The following ESD variants were observed in gnomAD, a reference collection of about 807,000 sequenced individuals.
ESD encodes S-formylglutathione hydrolase.
A neutral mutation model predicts 38.1 loss-of-function variants in ESD; 34 were observed. The observed-to-expected ratio is 0.89, with a 90% CI of 0.68 to 1.19. ESD has a LOEUF of 1.19. Among genes scored for constraint, ESD ranks in the 50% most tolerant of loss-of-function variants. The pLI, the probability that ESD is intolerant of heterozygous loss-of-function variation, is 0.00. For missense variants in ESD, 334 were observed against 327.2 expected (o/e 1.02, Z -0.16); for synonymous variants, 97 against 107.0 (o/e 0.91, Z 0.58).
intron 5 of ESD, among the ~76,000 whole-genome samples, chr13:46,783,072 A>C (rs1566280455): frequency 6.6e-6 from 1 of 151,946 alleles, no homozygotes; most frequent in Non-Finnish European, 1.5e-5. Context: ...TTGTTGATGA[A>C]GTTTCTTATG....
At position 46,782,692 on chromosome 13, in the gene ESD, C is replaced by T. The variant is rs745601294; in HGVS notation, c.356G>A (p.Arg119Lys). The T allele has an allele frequency of 4.3e-6, 7 of 1,612,046 alleles. No individual in the cohort carries two copies. Among genetic ancestry groups the T allele is most frequent in the Non-Finnish European group, 5.1e-6 (6 of 1,178,752 alleles). The change falls in exon 6 of 10, where the codon AGA (arginine) becomes AAA (lysine). Residue 119 changes from arginine (R) to lysine (K), a missense_variant. Transcript: ENST00000378720. ...ATEDPWKTNY[R>K]MYSYVTEELP... ...CTCCTCTGTGACATAAGAGTACATTCTGTAGTTGGTTTTCCAAGGATCTTC... is the reference window on the plus strand; with the variant it reads ...CTCCTCTGTGACATAAGAGTACATTTTGTAGTTGGTTTTCCAAGGATCTTC...
chr13:46,782,924 T>C, intron 5 of ESD, 133 bp from the exon 6 acceptor site: 1 of 1,097,916 alleles, frequency 9.1e-7, no homozygotes, highest in African/African-American at 1.6e-5. Flanking sequence ...CTCTGCCTTT[T>C]GGAGCACATG....
chr13:46,791,021 G>C (rs1390436728), intron 3 of ESD, among the ~76,000 whole-genome samples: 3 of 152,124 alleles, frequency 2.0e-5, no homozygotes, highest in Admixed American at 1.3e-4. Context: ...TTCTCAAAAA[G>C]TCCAGGTGTT....
chr13:46,772,975 C>T (rs12583310), intron 9 of ESD, among the ~76,000 whole-genome samples: 4 of 152,068 alleles, frequency 2.6e-5, no homozygotes, highest in East Asian at 1.9e-4. Context: ...TGAGCCACTG[C>T]GCCTGGCCTG....
chr13:46,782,549 A>C (rs973331665), intron 6 of ESD, 118 bp downstream of exon 6: 2 of 1,114,902 alleles, frequency 1.8e-6, no homozygotes, highest in Non-Finnish European at 1.3e-6. Context: ...CAAACTTTGG[A>C]ATTTTTACTA....
intron 4 of ESD, among the ~76,000 whole-genome samples, chr13:46,784,732 T>G (rs895029715): frequency 6.6e-6 from 1 of 151,962 alleles, no homozygotes; most frequent in Non-Finnish European, 1.5e-5. Flanking sequence ...AAAATTCACT[T>G]TTTCACAAAA....
At chr13:46,790,731 T>C (rs1387807457) in intron 3 of ESD, 1 of 152,180 alleles carries the variant, frequency 6.6e-6, no homozygotes, top group African/African-American at 2.4e-5. Flanking sequence ...CAGGGGTCCC[T>C]GGTGCCTCCA....
intron 9 of ESD, 111 bp downstream of exon 9, chr13:46,777,345 C>T: frequency 2.5e-6 from 2 of 810,316 alleles, no homozygotes; most frequent in South Asian, 7.0e-5. Context: ...TAATTAAAAA[C>T]TTACTAGAAG....
At position 46,771,394 on chromosome 13, in the gene ESD, G is replaced by GAT. The variant is rs762041458; in HGVS notation, c.*20_*21dup. 1 of 1,474,658 alleles carries GAT rather than the reference G, an allele frequency of 6.8e-7. No individual in the cohort carries two copies. The highest frequency in any genetic ancestry group is 2.3e-5 in the East Asian group (1 of 43,484). 91.3% of individuals were successfully genotyped at this position (1,474,658 alleles called of 1,614,324 possible). A position where few individuals can be genotyped will look rare whatever the true frequency, so the allele number is the denominator to read the frequency against. On this transcript the variant is annotated 3_prime_UTR_variant, in exon 10 of 10. Transcript: ENST00000378720. ...TTTACAACTTTTATAATCCTGAAGA[G>GAT]ATTCTCTTATTTGGAGTTTTTTCAT... is the stretch of plus-strand genomic sequence containing the variant.
Position 46,777,560 on chromosome 13 carries a change from G to T in ESD, c.664C>A (p.Gln222Lys). Residue 222 changes from glutamine to lysine, a missense_variant, in exon 9 of 10, where the codon CAA (glutamine) becomes AAA (lysine). Physicochemically the swap from Gln to Lys is moderately conservative, Grantham distance 53. Transcript: ENST00000378720. Reference protein sequence around the residue: ...PGSQLDILIDQGKDDQFLLDG... With the variant: ...PGSQLDILIDKGKDDQFLLDG... ...AAAAGAAACTGGTCATCTTTCCCTT[G>T]ATCAATTAGTATGTCCAGCTGAGAT... The T allele has an allele frequency of 6.2e-7, 1 of 1,611,488 alleles. No homozygotes were observed. Among genetic ancestry groups the T allele is most frequent in the Non-Finnish European group, 8.5e-7 (1 of 1,178,236 alleles).
At chr13:46,787,853 C>A (rs914119344) in intron 3 of ESD, among the ~76,000 whole-genome samples, 3 of 151,888 alleles carry the variant, frequency 2.0e-5, no homozygotes, top group Admixed American at 6.6e-5. Context: ...TTTCCATATT[C>A]CAGAGATAAT....
chr13:46,789,214 T>G lies in ESD; in HGVS notation c.69-2105A>C, dbSNP rs141139957. On this transcript the variant is annotated intron_variant, in intron 3 of 9. Transcript: ENST00000378720. Reference sequence around the variant, plus strand: ...TTGGATCTTATGCCTTCAGCTATCTTGCTTTAGTCCCTCATTTTGGTGAAG... The same window carrying G: ...TTGGATCTTATGCCTTCAGCTATCTGGCTTTAGTCCCTCATTTTGGTGAAG... Among the ~76,000 whole-genome samples, 1,099 of 152,346 alleles carry G rather than the reference T, an allele frequency of 7.2e-3. 8 individuals are homozygous for G. The highest frequency in any genetic ancestry group is 0.014 in the Middle Eastern group (4 of 294).
In ESD at chr13:46,781,604, G is replaced by C; in HGVS notation, c.393C>G (p.Leu131=). 2.5e-6 allele frequency: 4 copies of C among 1,607,644 alleles called. No homozygotes were observed. The highest frequency in any genetic ancestry group is 3.4e-6 in the Non-Finnish European group (4 of 1,175,598). ...GATCCACTGGAAAATTGGCATTTAT[G>C]AGTTGGGGAAGCTAGAAAAAATTTA... ...YSYVTEELPQ[L]INANFPVDPQ... Residue 131 remains leucine (L), a synonymous_variant, in exon 7 of 10, where the codon CTC becomes CTG. Coordinates refer to ENST00000378720, the MANE Select transcript of ESD (RefSeq NM_001984.2).
intron 9 of ESD, among the ~76,000 whole-genome samples, chr13:46,773,820 T>A (rs891403503): frequency 6.6e-6 from 1 of 152,222 alleles, no homozygotes; most frequent in Non-Finnish European, 1.5e-5. Flanking sequence ...ATGATTAGAC[T>A]AGTCCCAGCT....
rs538047002 is a variant in ESD, at chr13:46,789,046, A to G, written c.69-1937T>C. Among the ~76,000 whole-genome samples the G allele has an allele frequency of 2.6e-4, 40 of 152,246 alleles. 1 individual carries two copies. Among genetic ancestry groups the G allele is most frequent in the African/African-American group, 8.9e-4 (37 of 41,560 alleles). ...CCTGAAATGTGGCTAGTGGGACTGAAGTTTTATTAATTAGCTAATTTGATG... is the reference window on the plus strand; with the variant it reads ...CCTGAAATGTGGCTAGTGGGACTGAGGTTTTATTAATTAGCTAATTTGATG... On this transcript the variant is annotated intron_variant, in intron 3 of 9. Coordinates refer to ENST00000378720, the MANE Select transcript of ESD (RefSeq NM_001984.2).
At chr13:46,774,667 C>T (rs1874724727) in intron 9 of ESD, among the ~76,000 whole-genome samples, 1 of 152,160 alleles carries the variant, frequency 6.6e-6, no homozygotes, top group African/African-American at 2.4e-5. Context: ...AGTGCTCCAG[C>T]AGCTATGATG....
intron 9 of ESD, among the ~76,000 whole-genome samples, chr13:46,774,804 A>C (rs1874729980): frequency 6.6e-6 from 1 of 152,164 alleles, no homozygotes; most frequent in African/African-American, 2.4e-5. Flanking sequence ...CACTGTATTC[A>C]TTTAACAAGT....
chr13:46,794,163 AC>A (rs1241117112), intron 1 of ESD, among the ~76,000 whole-genome samples: 12 of 83,772 alleles, frequency 1.4e-4, no homozygotes, highest in African/African-American at 2.1e-4. Context: ...CCTCCAAAAA[AC>A]AACAACAACA....
At chr13:46,794,038 C>A (rs1875487285) in intron 1 of ESD, among the ~76,000 whole-genome samples, 1 of 152,012 alleles carries the variant, frequency 6.6e-6, no homozygotes, top group Non-Finnish European at 1.5e-5. Flanking sequence ...TGGTAGATTT[C>A]ATTTAGGCTC....
Sources: gnomAD v4.1 joint callset for allele counts (sites outside exome capture counted in the v4.1 genomes callset) on GRCh38, gnomAD v4.1.1 for gene constraint, MANE v1.5 for transcripts, NCBI Gene and HGNC (gene_info 2026-07-23, HGNC 2026-07-21) for gene names.